XKR4: variants seen among roughly 807,000 people sequenced by gnomAD.
The protein encoded by XKR4 is XK related 4, also known as XK-related protein 4.
Under a neutral mutation model 53.9 loss-of-function variants are expected in XKR4, and 12 were observed. That is an observed-to-expected ratio of 0.22 (90% CI 0.14 to 0.36). XKR4 has a LOEUF of 0.36. XKR4 is among the 10% of genes least tolerant of loss of function. The probability of loss-of-function intolerance (pLI) is 1.00; values close to 1 mark genes in which losing one functional copy is unlikely to be tolerated. For synonymous variants in XKR4, 354 were observed against 362.4 expected (o/e 0.98, Z 0.26); for missense variants, 799 against 859.5 (o/e 0.93, Z 0.88).
intron 1 of XKR4, among the ~76,000 whole-genome samples, chr8:55,247,855 C>CT (rs1166258777): frequency 5.0e-3 from 298 of 59,874 alleles, no homozygotes; most frequent in Middle Eastern, 9.1e-3. Context: ...TTCTTTCTTT[C>CT]TTTTTTTTTT....
intron 1 of XKR4, among the ~76,000 whole-genome samples, chr8:55,333,697 C>T (rs1004854517): frequency 6.6e-6 from 1 of 152,068 alleles, no homozygotes; most frequent in African/African-American, 2.4e-5. Context: ...TTTTGGAAGT[C>T]TGAGTGCTGA....
chr8:55,131,470 G>A (rs1219363780), intron 1 of XKR4, among the ~76,000 whole-genome samples: 2 of 152,164 alleles, frequency 1.3e-5, no homozygotes, highest in Admixed American at 6.5e-5. Context: ...AATTATTTGT[G>A]TAGTGGGAAA....
intron 2 of XKR4, among the ~76,000 whole-genome samples, chr8:55,461,390 G>C (rs2135538): frequency 0.41 from 62,339 of 152,036 alleles, 13,409 homozygotes; most frequent in East Asian, 0.53. Context: ...CCAGTAAACT[G>C]CAACAGACCT....
chr8:55,165,288 G>A (rs1817051139), intron 1 of XKR4, among the ~76,000 whole-genome samples: 1 of 151,956 alleles, frequency 6.6e-6, no homozygotes, highest in African/African-American at 2.4e-5. Flanking sequence ...TAATCAAAAT[G>A]CCAGCTATTT....
chr8:55,370,952 G>C (rs963005524), intron 2 of XKR4, among the ~76,000 whole-genome samples: 1 of 151,854 alleles, frequency 6.6e-6, no homozygotes, highest in East Asian at 1.9e-4. Context: ...CAGATACAAA[G>C]ACACAGCCCC....
Position 55,524,285 on chromosome 8 carries a change from G to C in XKR4, c.*58G>C. ...GATGAAGGGGTGACAGCAGGGCTGTGGCCATAATGACACTTCATCCTAGAG... is the reference window on the plus strand; with the variant it reads ...GATGAAGGGGTGACAGCAGGGCTGTCGCCATAATGACACTTCATCCTAGAG... On this transcript the variant is annotated 3_prime_UTR_variant, in exon 3 of 3. Coordinates refer to ENST00000327381, the MANE Select transcript of XKR4 (RefSeq NM_052898.2). 1 of 1,505,490 alleles carries C rather than the reference G, an allele frequency of 6.6e-7. No homozygotes were observed. Among genetic ancestry groups the C allele is most frequent in the Non-Finnish European group, 9.0e-7 (1 of 1,105,042 alleles). The allele number at this position is 1,505,490 out of a possible 1,614,324, so 93.3% of individuals were successfully genotyped here. A position where few individuals can be genotyped will look rare whatever the true frequency, so the allele number is the denominator to read the frequency against.
At chr8:55,155,632 A>AAG (rs1254377879) in intron 1 of XKR4, among the ~76,000 whole-genome samples, 9 of 65,492 alleles carry the variant, frequency 1.4e-4, no homozygotes, top group Middle Eastern at 8.3e-3. Flanking sequence ...TAAAGGCATT[A>AAG]AGAGAGAGAG....
intron 1 of XKR4, among the ~76,000 whole-genome samples, chr8:55,353,642 G>T (rs1803757474): frequency 6.6e-6 from 1 of 152,212 alleles, no homozygotes; most frequent in Admixed American, 6.5e-5. Context: ...GCATATTCAT[G>T]GAGTATTCAA....
At chr8:55,161,158 G>A (rs1384441727) in intron 1 of XKR4, among the ~76,000 whole-genome samples, 2 of 152,132 alleles carry the variant, frequency 1.3e-5, no homozygotes, top group Admixed American at 1.3e-4. Context: ...TGTGGGCTGG[G>A]GGTTCCATCC....
chr8:55,244,352 A>G (rs1314578380), intron 1 of XKR4, among the ~76,000 whole-genome samples: 1 of 152,162 alleles, frequency 6.6e-6, no homozygotes, highest in Non-Finnish European at 1.5e-5. Context: ...TTCACTCAGG[A>G]TAATGGCCTC....
chr8:55,281,775 T>G (rs1468217803), intron 1 of XKR4, among the ~76,000 whole-genome samples: 1 of 152,208 alleles, frequency 6.6e-6, no homozygotes, highest in Non-Finnish European at 1.5e-5. Context: ...ATGAAATCCT[T>G]AGTATGATTT....
intron 1 of XKR4, among the ~76,000 whole-genome samples, chr8:55,328,889 A>C (rs892099907): frequency 1.4e-4 from 22 of 151,894 alleles, no homozygotes; most frequent in African/African-American, 5.1e-4. Context: ...ACCAACACCC[A>C]CCATGTTTTC....
intron 1 of XKR4, among the ~76,000 whole-genome samples, chr8:55,232,849 T>TC (rs1272274795): frequency 3.9e-5 from 6 of 152,278 alleles, no homozygotes; most frequent in African/African-American, 1.4e-4. Flanking sequence ...TGGCCCACCT[T>TC]CATTGTCTGA....
chr8:55,118,141 G>A (rs1816335654), intron 1 of XKR4, among the ~76,000 whole-genome samples: 1 of 152,160 alleles, frequency 6.6e-6, no homozygotes, highest in Non-Finnish European at 1.5e-5. Context: ...TCCTGGGATT[G>A]ATGTGTCACA....
At chr8:55,106,273 T>C (rs1816145413) in intron 1 of XKR4, among the ~76,000 whole-genome samples, 1 of 152,142 alleles carries the variant, frequency 6.6e-6, no homozygotes, top group African/African-American at 2.4e-5. Flanking sequence ...CATTGAAACA[T>C]TGTGGGTAAG....
At chr8:55,228,309 A>G (rs1231340276) in intron 1 of XKR4, among the ~76,000 whole-genome samples, 1 of 152,050 alleles carries the variant, frequency 6.6e-6, no homozygotes, top group Non-Finnish European at 1.5e-5. Context: ...ATATTTCACG[A>G]TGCAGTCCTT....
At chr8:55,475,334 A>C (rs1805962482) in intron 2 of XKR4, among the ~76,000 whole-genome samples, 1 of 152,038 alleles carries the variant, frequency 6.6e-6, no homozygotes, top group Admixed American at 6.5e-5. Context: ...ATGCCTGAAA[A>C]TGTGGATTGT....
chr8:55,514,248 CTTTTTTTTT>C (rs71256544), intron 2 of XKR4, among the ~76,000 whole-genome samples: 94 of 108,880 alleles, frequency 8.6e-4, no homozygotes, highest in African/African-American at 3.0e-3. Flanking sequence ...TGCTGGGATT[CTTTTTTTTT>C]TTTTTTTTTT....
At chr8:55,453,482 C>T (rs1339525727) in intron 2 of XKR4, 9 of 395,508 alleles carry the variant, frequency 2.3e-5, no homozygotes, top group Middle Eastern at 7.9e-4. Flanking sequence ...GATGCAGTTG[C>T]CCACGACCTC....
Sources: gnomAD v4.1 joint callset for allele counts (sites outside exome capture counted in the v4.1 genomes callset) on GRCh38, gnomAD v4.1.1 for gene constraint, MANE v1.5 for transcripts, NCBI Gene and HGNC (gene_info 2026-07-23, HGNC 2026-07-21) for gene names.